TACC2: variants seen among roughly 807,000 people sequenced by gnomAD.
TACC2 encodes the protein transforming acidic coiled-coil containing protein 2, also known as transforming acidic coiled-coil-containing protein 2.
TACC2 carries 137 observed loss-of-function variants against 227.3 expected under a neutral mutation model. That is an observed-to-expected ratio of 0.60 (90% CI 0.52 to 0.69). The LOEUF is 0.69. Among genes scored for constraint, TACC2 ranks in the 30% least tolerant of loss-of-function variants. The pLI is 0.00. For synonymous variants in TACC2, 1,523 were observed against 1,487.5 expected, an observed-to-expected ratio of 1.02 and a Z score of -0.55; for missense variants, 3,470 against 3,694.4, an observed-to-expected ratio of 0.94 and a Z score of 1.57.
chr10:122,207,030 G>A (rs2095134325), intron 8 of TACC2, among the ~76,000 whole-genome samples: 1 of 151,220 alleles, frequency 6.6e-6, no homozygotes, highest in Non-Finnish European at 1.5e-5. Context: ...TGGGTGTGGT[G>A]GCTCACACCT....
chr10:122,178,692 T>C (rs1372700669), intron 7 of TACC2, among the ~76,000 whole-genome samples: 1 of 152,190 alleles, frequency 6.6e-6, no homozygotes, highest in Non-Finnish European at 1.5e-5. Context: ...GGGACCAGTC[T>C]GGCCAACATG....
intron 1 of TACC2, among the ~76,000 whole-genome samples, chr10:122,008,182 CT>C (rs200439660): frequency 0.035 from 5,251 of 151,804 alleles, 124 homozygotes; most frequent in Middle Eastern, 0.071. Flanking sequence ...TCATTTCTGC[CT>C]TTTTTTTCCC....
intron 9 of TACC2, among the ~76,000 whole-genome samples, chr10:122,212,663 C>T (rs1206378325): frequency 1.3e-5 from 2 of 152,178 alleles, no homozygotes; most frequent in African/African-American, 4.8e-5. Context: ...AGAGACAGAA[C>T]GACATGTTTA....
At chr10:122,239,039 T>A (rs544051236) in intron 18 of TACC2, among the ~76,000 whole-genome samples, 1 of 152,302 alleles carries the variant, frequency 6.6e-6, no homozygotes, top group East Asian at 1.9e-4. Flanking sequence ...GTTTCCCTCT[T>A]GTTGCCCAGG....
intron 11 of TACC2, among the ~76,000 whole-genome samples, chr10:122,217,860 C>T (rs745355469): frequency 6.6e-6 from 1 of 152,170 alleles, no homozygotes; most frequent in Non-Finnish European, 1.5e-5. Context: ...CTCCTCCAGC[C>T]ACCTCTGTGA....
chr10:122,037,208 C>T (rs893677277), intron 2 of TACC2, among the ~76,000 whole-genome samples: 1 of 152,178 alleles, frequency 6.6e-6, no homozygotes, highest in Non-Finnish European at 1.5e-5. Context: ...CAAAGAAGGC[C>T]GGTGTGGCTG....
intron 7 of TACC2, among the ~76,000 whole-genome samples, chr10:122,155,358 G>A (rs1223462034): frequency 6.6e-6 from 1 of 151,542 alleles, no homozygotes; most frequent in Non-Finnish European, 1.5e-5. Context: ...TCTAGAACCA[G>A]TGACTTTAAA....
Position 122,238,019 on chromosome 10 carries a change from G to A in TACC2, c.8330G>A (p.Arg2777Gln), listed in dbSNP as rs372697264. 3.8e-5 allele frequency: 62 copies of A among 1,613,960 alleles called. No individual in the cohort carries two copies. The highest frequency in any genetic ancestry group is 4.5e-5 in the Non-Finnish European group (53 of 1,180,000). The change falls in exon 18 of 23, where the codon CGG (arginine) becomes CAG (glutamine). Residue 2777 changes from arginine to glutamine, a missense_variant. By Grantham distance (43) the Arg-to-Gln change is conservative. Transcript: ENST00000369005. ...AAAGATAAATATGAAGAAAGCAGGC[G>A]GGAAGTGATGGAAATGAGGTCAGTT... ...EWKDKYEESRREVMEMRKIVA... is the reference protein window; with the variant it reads ...EWKDKYEESRQEVMEMRKIVA...
chr10:122,121,977 C>T lies in TACC2; in HGVS notation c.5574-10632C>T, dbSNP rs563454532. 2.4e-4 allele frequency among the ~76,000 whole-genome samples: 36 copies of T among 152,268 alleles called. No homozygotes were observed. The East Asian group carries it at 5.4e-3, about 23-fold the overall frequency. On this transcript the variant is annotated intron_variant, in intron 5 of 22. Transcript: ENST00000369005. Reference sequence around the variant, plus strand: ...GGGGATGGCAGCATGGGTTTCCAGGCGAGGACAGGTCCAGGGTTCTCGCCA... The same window carrying T: ...GGGGATGGCAGCATGGGTTTCCAGGTGAGGACAGGTCCAGGGTTCTCGCCA...
At chr10:122,090,235 T>A (rs2080600577) in intron 5 of TACC2, among the ~76,000 whole-genome samples, 1 of 151,454 alleles carries the variant, frequency 6.6e-6, no homozygotes, top group Non-Finnish European at 1.5e-5. Context: ...TCCAGAATAC[T>A]TGTGAGGTAT....
chr10:122,224,761 A>G lies in TACC2; in HGVS notation c.7582A>G (p.Met2528Val), dbSNP rs1407206360. The stretch of plus-strand genomic sequence containing the variant: ...CAGAAACTCCTATGAAATTGAATAT[A>G]TGGAGAAAATTGGCTCCTCCTTACC... ...DYRNSYEIEY[M>V]EKIGSSLPQD... The change falls in exon 12 of 23, where the codon ATG (methionine) becomes GTG (valine). Residue 2528 changes from methionine to valine, a missense_variant. Transcript: ENST00000369005. 5 of 1,613,934 alleles carry G rather than the reference A, an allele frequency of 3.1e-6. No individual in the cohort carries two copies. In the Admixed American group the frequency reaches 8.3e-5, roughly 27 times the overall value.
intron 1 of TACC2, among the ~76,000 whole-genome samples, chr10:122,017,724 G>A (rs1206669915): frequency 6.7e-6 from 1 of 148,788 alleles, no homozygotes; most frequent in African/African-American, 2.5e-5. Flanking sequence ...GGCTGAGGCA[G>A]GAGAATCGCT....
At chr10:122,148,118 T>C (rs956520459) in intron 7 of TACC2, among the ~76,000 whole-genome samples, 8 of 151,648 alleles carry the variant, frequency 5.3e-5, no homozygotes, top group Admixed American at 5.3e-4. Flanking sequence ...TTTTTTTTTT[T>C]TTTAGGCAGA....
At chr10:122,033,617 G>T (rs1020202134) in intron 2 of TACC2, among the ~76,000 whole-genome samples, 6 of 152,192 alleles carry the variant, frequency 3.9e-5, no homozygotes, top group Non-Finnish European at 8.8e-5. Flanking sequence ...GCAACAATGT[G>T]CTAGCTGAGT....
At chr10:122,111,754 A>G (rs2083658866) in intron 5 of TACC2, among the ~76,000 whole-genome samples, 1 of 151,940 alleles carries the variant, frequency 6.6e-6, no homozygotes, top group Non-Finnish European at 1.5e-5. Context: ...TCGGCCTCCC[A>G]AAGTGCTGGG....
At chr10:122,033,997 C>A (rs1264165750) in intron 2 of TACC2, among the ~76,000 whole-genome samples, 1 of 151,922 alleles carries the variant, frequency 6.6e-6, no homozygotes, top group African/African-American at 2.4e-5. Context: ...ACTAAAAATA[C>A]AAAAATTAGC....
At chr10:122,236,967 C>T (rs2095868980) in intron 16 of TACC2, among the ~76,000 whole-genome samples, 1 of 152,226 alleles carries the variant, frequency 6.6e-6, no homozygotes, top group Non-Finnish European at 1.5e-5. Context: ...GTGATCAAAT[C>T]TGTGGTTATT....
intron 3 of TACC2, among the ~76,000 whole-genome samples, chr10:122,064,404 A>C (rs1239547930): frequency 6.6e-6 from 1 of 152,198 alleles, no homozygotes; most frequent in Non-Finnish European, 1.5e-5. Context: ...ATTATTAACT[A>C]AAGTCTATAC....
chr10:122,070,582 C>T (rs899406823), intron 3 of TACC2, among the ~76,000 whole-genome samples: 9 of 151,962 alleles, frequency 5.9e-5, no homozygotes, highest in East Asian at 1.9e-4. Context: ...GGAGAAACCC[C>T]GTTTCTACTA....
Sources: allele counts gnomAD v4.1 joint callset (sites outside exome capture counted in the v4.1 genomes callset), GRCh38; gene constraint gnomAD v4.1.1; transcripts MANE v1.5; gene names NCBI Gene and HGNC (gene_info 2026-07-23, HGNC 2026-07-21).